The following SRGN variants were observed in gnomAD, a reference collection of about 807,000 sequenced individuals.
The protein encoded by SRGN is serglycin.
A neutral mutation model predicts 9.5 loss-of-function variants in SRGN; 2 were observed. The ratio of observed to expected loss-of-function variants is 0.21; its 90% CI spans 0.09 to 0.66. SRGN has a LOEUF of 0.66. SRGN is among the 30% of genes least tolerant of loss of function. The probability of loss-of-function intolerance (pLI) is 0.83; values close to 1 mark genes in which losing one functional copy is unlikely to be tolerated. For missense variants in SRGN, 170 were observed against 192.4 expected, an observed-to-expected ratio of 0.88 and a Z score of 0.69; for synonymous variants, 59 against 72.3, an observed-to-expected ratio of 0.82 and a Z score of 0.93.
rs191136813 is a variant in SRGN at position 69,100,531 on chromosome 10, A to G, written c.227+3300A>G. On this transcript the variant is annotated intron_variant, in intron 2 of 2. Transcript: ENST00000242465. ...CCATTCCTCCTCTTCTCAAATCTCT[A>G]TTTTCCTTCCCCAAAGCCAGTAACT... is the stretch of plus-strand genomic sequence containing the variant. 2.6e-5 allele frequency among the ~76,000 whole-genome samples: 4 copies of G among 152,202 alleles called. No homozygotes were observed. The East Asian group carries it at 5.8e-4, about 22-fold the overall frequency.
At chr10:69,098,885 A>G (rs1452000028) in intron 2 of SRGN, 2 of 152,072 alleles carry the variant, frequency 1.3e-5, no homozygotes, top group Non-Finnish European at 2.9e-5. Flanking sequence ...TCTTGAGCCT[A>G]TGTTGAGCCT....
At chr10:69,101,619 A>T (rs1840293719) in intron 2 of SRGN, among the ~76,000 whole-genome samples, 1 of 151,692 alleles carries the variant, frequency 6.6e-6, no homozygotes, top group South Asian at 2.1e-4. Context: ...CTTCACAATA[A>T]CACCTCCTGA....
At chr10:69,089,393 A>G (rs1329788925) in intron 1 of SRGN, among the ~76,000 whole-genome samples, 2 of 152,200 alleles carry the variant, frequency 1.3e-5, no homozygotes, top group Non-Finnish European at 2.9e-5. Flanking sequence ...TAATTCCCGA[A>G]TAGCCAAGTG....
At chr10:69,092,684 C>G (rs906063856) in intron 1 of SRGN, among the ~76,000 whole-genome samples, 4 of 150,904 alleles carry the variant, frequency 2.7e-5, no homozygotes, top group Non-Finnish European at 5.9e-5. Flanking sequence ...ATTCCAGCTA[C>G]TTGGGAGGCT....
intron 2 of SRGN, among the ~76,000 whole-genome samples, chr10:69,103,548 A>C (rs1454496034): frequency 6.6e-6 from 1 of 152,182 alleles, no homozygotes; most frequent in Non-Finnish European, 1.5e-5. Context: ...GCCTCCAAAA[A>C]TAAAAATTAA....
At chr10:69,096,031 C>T (rs2132156717) in intron 1 of SRGN, among the ~76,000 whole-genome samples, 1 of 152,330 alleles carries the variant, frequency 6.6e-6, no homozygotes, top group South Asian at 2.1e-4. Context: ...ATATTCCAAG[C>T]TGCCTGGTGC....
chr10:69,091,899 A>AG lies in SRGN; in HGVS notation c.79+3663_79+3664insG, dbSNP rs1293145084. 7.7e-5 allele frequency among the ~76,000 whole-genome samples: 8 copies of AG among 103,356 alleles called. 1 individual carries two copies. Among genetic ancestry groups the AG allele is most frequent in the Non-Finnish European group, 1.2e-4 (5 of 40,580 alleles). 67.8% of individuals were successfully genotyped at this position (103,356 alleles called of 152,430 possible). A position where few individuals can be genotyped will look rare whatever the true frequency, so the allele number is the denominator to read the frequency against. ...TGTCTCAAAAAAAAAAAAAAAAAAA[A>AG]AAAAAAAAAGAAAAAGAAAAGAAAA... On this transcript the variant is annotated intron_variant, in intron 1 of 2. Coordinates refer to ENST00000242465, the MANE Select transcript of SRGN (RefSeq NM_002727.4).
At chr10:69,096,146 C>A (rs1482524749) in intron 1 of SRGN, among the ~76,000 whole-genome samples, 1 of 152,110 alleles carries the variant, frequency 6.6e-6, no homozygotes, top group South Asian at 2.1e-4. Flanking sequence ...CCCTAAAACA[C>A]AAGAACTAGA....
intron 1 of SRGN, among the ~76,000 whole-genome samples, chr10:69,091,879 C>CAAAAAAAAAAAAAAAAAAAA (rs1177012248): frequency 3.8e-4 from 12 of 31,760 alleles, no homozygotes; most frequent in South Asian, 1.8e-3. Flanking sequence ...GACTCTGTCT[C>CAAAAAAAAAAAAAAAAAAAA]AAAAAAAAAA....
intron 2 of SRGN, among the ~76,000 whole-genome samples, chr10:69,099,304 C>CT (rs200610137): frequency 0.022 from 2,841 of 128,146 alleles, 84 homozygotes; most frequent in African/African-American, 0.072. Flanking sequence ...GCAACTTTCT[C>CT]TTTTGTTTTT....
At chr10:69,095,701 A>G (rs1168880569) in intron 1 of SRGN, among the ~76,000 whole-genome samples, 1 of 152,124 alleles carries the variant, frequency 6.6e-6, no homozygotes, top group Non-Finnish European at 1.5e-5. Context: ...GCCTGAGCTC[A>G]GGAGTTTGAG....
chr10:69,101,296 C>T (rs1020747261), intron 2 of SRGN, among the ~76,000 whole-genome samples: 2 of 152,162 alleles, frequency 1.3e-5, no homozygotes, highest in African/African-American at 4.8e-5. Flanking sequence ...TTGCTAATCT[C>T]TGGGTTACCT....
intron 2 of SRGN, among the ~76,000 whole-genome samples, chr10:69,101,531 C>A (rs1840291066): frequency 6.6e-6 from 1 of 152,120 alleles, no homozygotes; most frequent in Non-Finnish European, 1.5e-5. Context: ...TAGGGGTGGA[C>A]TTTAGTATCT....
intron 1 of SRGN, among the ~76,000 whole-genome samples, chr10:69,096,660 T>G (rs1331262868): frequency 6.6e-6 from 1 of 152,224 alleles, no homozygotes; most frequent in East Asian, 1.9e-4. Flanking sequence ...TTTACCAAAT[T>G]TAGAATCTAT....
rs199773871 is a variant in SRGN, at chr10:69,103,969, G to A, written c.326G>A (p.Gly109Glu). 6.2e-7 allele frequency: 1 copy of A among 1,614,212 alleles called. No individual in the cohort carries two copies. The highest frequency in any genetic ancestry group is 8.5e-7 in the Non-Finnish European group (1 of 1,180,048). The change falls in exon 3 of 3, where the codon GGG becomes GAG. Residue 109 changes from glycine (G) to glutamate (E), a missense_variant. Coordinates refer to ENST00000242465, the MANE Select transcript of SRGN (RefSeq NM_002727.4). ...GSGSGSGSGS[G>E]SGFLTEMEQD... ...GGCTCCGGCTCTGGATCAGGATCTG[G>A]GAGTGGCTTCCTAACGGAAATGGAA...
chr10:69,094,504 T>C (rs191502397), intron 1 of SRGN, among the ~76,000 whole-genome samples: 320 of 152,252 alleles, frequency 2.1e-3, no homozygotes, highest in African/African-American at 7.3e-3. Flanking sequence ...CTTCCATTTT[T>C]CCCCCCATGT....
intron 1 of SRGN, among the ~76,000 whole-genome samples, chr10:69,089,663 A>G (rs1840009354): frequency 6.6e-6 from 1 of 152,232 alleles, no homozygotes; most frequent in Non-Finnish European, 1.5e-5. Flanking sequence ...TGAGAGGCCA[A>G]GGTAGGCAGA....
In SRGN at chr10:69,104,117, A is replaced by G; in HGVS notation, c.474A>G (p.Leu158=). Residue 158 remains leucine, a synonymous_variant, in exon 3 of 3, where the codon TTA becomes TTG. Transcript: ENST00000242465. ...ATGGATTAGAAGAGGATTTTATGTT[A>G]TAAAAGAGGATTTTCCCACCTTGAC... ...GQHGLEEDFM[L] is the part of the protein sequence containing the mutation. 2 of 1,611,220 alleles carry G rather than the reference A, an allele frequency of 1.2e-6. No homozygotes were observed. Among genetic ancestry groups the G allele is most frequent in the Non-Finnish European group, 1.7e-6 (2 of 1,177,566 alleles).
intron 2 of SRGN, among the ~76,000 whole-genome samples, chr10:69,102,227 C>G (rs1840307613): frequency 6.6e-6 from 1 of 152,148 alleles, no homozygotes; most frequent in Non-Finnish European, 1.5e-5. Flanking sequence ...TACATGCTTT[C>G]TCTCGACGAC....
Sources: gnomAD v4.1 joint callset for allele counts (sites outside exome capture counted in the v4.1 genomes callset) on GRCh38, gnomAD v4.1.1 for gene constraint, MANE v1.5 for transcripts, NCBI Gene and HGNC (gene_info 2026-07-23, HGNC 2026-07-21) for gene names.